The following OLFM3 variants were observed in gnomAD, a reference collection of about 807,000 sequenced individuals.
OLFM3 encodes the protein noelin-3.
OLFM3 carries 20 observed loss-of-function variants against 48.6 expected under a neutral mutation model. The observed-to-expected ratio is 0.41, with a 90% CI of 0.29 to 0.60. The LOEUF (loss-of-function observed/expected upper bound fraction) is 0.60, where lower values mean the gene tolerates loss of function less well. Among genes scored for constraint, OLFM3 ranks in the 20% least tolerant of loss-of-function variants. The pLI is 0.28. For synonymous variants in OLFM3, 222 were observed against 198.1 expected (o/e 1.12, Z -1.01); for missense variants, 437 against 544.3 (o/e 0.80, Z 1.96).
intron 1 of OLFM3, among the ~76,000 whole-genome samples, chr1:101,969,881 A>G (rs938617248): frequency 6.6e-6 from 1 of 152,144 alleles, no homozygotes; most frequent in Non-Finnish European, 1.5e-5. Context: ...TTCTAAGTGG[A>G]GACTTGATTA....
At chr1:101,848,529 T>A (rs748994444) in intron 1 of OLFM3, among the ~76,000 whole-genome samples, 6 of 151,524 alleles carry the variant, frequency 4.0e-5, no homozygotes, top group Non-Finnish European at 8.8e-5. Context: ...TCAAAATATA[T>A]CCAAATGACT....
At chr1:101,827,412 C>T (rs1208915101) in intron 3 of OLFM3, among the ~76,000 whole-genome samples, 2 of 152,030 alleles carry the variant, frequency 1.3e-5, no homozygotes, top group African/African-American at 2.4e-5. Flanking sequence ...CTCCACCTCC[C>T]GGGTTCACGC....
intron 1 of OLFM3, among the ~76,000 whole-genome samples, chr1:101,950,259 G>T (rs1660096594): frequency 6.6e-6 from 1 of 151,902 alleles, no homozygotes; most frequent in African/African-American, 2.4e-5. Context: ...CTCCATCCTG[G>T]AACACCCATC....
At chr1:101,957,912 T>C (rs1660345657) in intron 1 of OLFM3, among the ~76,000 whole-genome samples, 1 of 152,080 alleles carries the variant, frequency 6.6e-6, no homozygotes, top group Non-Finnish European at 1.5e-5. Context: ...GGGAGGGTGA[T>C]AACATAATGC....
chr1:101,979,136 AT>A (rs1661036848), intron 1 of OLFM3, among the ~76,000 whole-genome samples: 1 of 152,084 alleles, frequency 6.6e-6, no homozygotes, highest in Non-Finnish European at 1.5e-5. Context: ...ACATGGGTTA[AT>A]TTTTACATTG....
At chr1:101,846,342 T>C (rs1655992295) in intron 1 of OLFM3, among the ~76,000 whole-genome samples, 1 of 152,122 alleles carries the variant, frequency 6.6e-6, no homozygotes, top group African/African-American at 2.4e-5. Flanking sequence ...ATTGGCGAGT[T>C]TTTTCATTCA....
chr1:101,843,239 C>T (rs1655816051), intron 1 of OLFM3, among the ~76,000 whole-genome samples: 1 of 152,130 alleles, frequency 6.6e-6, no homozygotes, highest in South Asian at 2.1e-4. Context: ...AATGACATGC[C>T]CACAGGTTCC....
intron 1 of OLFM3, among the ~76,000 whole-genome samples, chr1:101,972,425 AG>A (rs1244050438): frequency 6.6e-6 from 1 of 152,226 alleles, no homozygotes; most frequent in African/African-American, 2.4e-5. Context: ...CTTGATCAAT[AG>A]TACTTTCCAG....
rs1267304009 is a variant in OLFM3, at chr1:101,803,896, A to C, written c.*342T>G. 1.5e-4 allele frequency: 24 copies of C among 164,272 alleles called. No homozygotes were observed. The Admixed American group carries it at 1.5e-3, about 11-fold the overall frequency. 10.2% of individuals were successfully genotyped at this position (164,272 alleles called of 1,614,324 possible). Reference sequence around the variant, plus strand: ...GTAAAAAATGACAGTTTTAAAAAAAAAGACATTCGTGCATTTAAGCCACCA... The same window carrying C: ...GTAAAAAATGACAGTTTTAAAAAAACAGACATTCGTGCATTTAAGCCACCA... On this transcript the variant is annotated 3_prime_UTR_variant, in exon 6 of 6. Transcript: ENST00000370103.
chr1:101,866,419 T>TA (rs11443217), intron 1 of OLFM3, among the ~76,000 whole-genome samples: 59,742 of 151,848 alleles, frequency 0.39, 13,129 homozygotes, highest in Non-Finnish European at 0.51. Context: ...CAATAGATGA[T>TA]AAAATCCTAA....
chr1:101,957,416 G>T (rs1214545958), intron 1 of OLFM3, among the ~76,000 whole-genome samples: 2 of 151,798 alleles, frequency 1.3e-5, no homozygotes, highest in Non-Finnish European at 2.9e-5. Context: ...CTGGTGTTTT[G>T]GATTAGGATG....
chr1:101,913,418 A>T (rs7524443), intron 1 of OLFM3, among the ~76,000 whole-genome samples: 65,772 of 151,952 alleles, frequency 0.43, 14,337 homozygotes, highest in East Asian at 0.59. Flanking sequence ...GTTAACAGAA[A>T]ATATTTAAAG....
At chr1:101,819,704 T>G (rs973441241) in intron 4 of OLFM3, among the ~76,000 whole-genome samples, 4 of 152,024 alleles carry the variant, frequency 2.6e-5, no homozygotes, top group African/African-American at 9.6e-5. Context: ...TTGAGGTATC[T>G]GGGGGGGTCT....
chr1:101,932,791 A>G (rs113660475), intron 1 of OLFM3, among the ~76,000 whole-genome samples: 3,065 of 152,296 alleles, frequency 0.02, 119 homozygotes, highest in African/African-American at 0.07. Flanking sequence ...TTCACCAGCA[A>G]TGGTTCTTAA....
intron 4 of OLFM3, among the ~76,000 whole-genome samples, chr1:101,810,979 T>G (rs1421889679): frequency 2.0e-5 from 3 of 151,654 alleles, no homozygotes; most frequent in African/African-American, 7.3e-5. Flanking sequence ...CTTGGAAAAA[T>G]ATACTCCTGT....
intron 1 of OLFM3, among the ~76,000 whole-genome samples, chr1:101,982,710 A>G (rs577749719): frequency 6.6e-6 from 1 of 152,284 alleles, no homozygotes; most frequent in East Asian, 1.9e-4. Flanking sequence ...GAGCTTGGCT[A>G]TCCCTTTTTT....
intron 1 of OLFM3, among the ~76,000 whole-genome samples, chr1:101,933,465 G>C (rs1173833130): frequency 6.6e-6 from 1 of 151,984 alleles, no homozygotes; most frequent in Admixed American, 6.5e-5. Context: ...ATGGAACTAT[G>C]TAACGAGACC....
intron 1 of OLFM3, among the ~76,000 whole-genome samples, chr1:101,977,993 T>G (rs1570684250): frequency 6.6e-6 from 1 of 152,120 alleles, no homozygotes; most frequent in South Asian, 2.1e-4. Context: ...AGCATCAGGT[T>G]ATAGATTAGT....
rs776391387 is a variant in OLFM3, at chr1:101,804,547, T to C, written c.1068A>G (p.Gln356=). The change falls in exon 6 of 6, where the codon CAA becomes CAG. Residue 356 remains glutamine, a synonymous_variant. Coordinates refer to ENST00000370103, the MANE Select transcript of OLFM3 (RefSeq NM_058170.4). This position sits in a 1 kb window ranked among gnomAD's most constrained non-coding sequence, Gnocchi z 4.5. The part of the protein sequence containing the change: ...AGNIVISQLN[Q]DTLEVMKSWS... ...AGCTCTTCATCACCTCCAAGGTATC[T>C]TGGTTAAGTTGGCTGATGACAATAT... The C allele has an allele frequency of 2.2e-5, 35 of 1,612,546 alleles. No homozygotes were observed. Among genetic ancestry groups the C allele is most frequent in the Non-Finnish European group, 3.0e-5 (35 of 1,179,156 alleles).
Sources: gnomAD v4.1 joint callset for allele counts (sites outside exome capture counted in the v4.1 genomes callset) on GRCh38, gnomAD v4.1.1 for gene constraint, Gnocchi (gnomAD v3.1) non-coding constraint, MANE v1.5 for transcripts, NCBI Gene and HGNC (gene_info 2026-07-23, HGNC 2026-07-21) for gene names.